The following GAS7 variants were observed in gnomAD, a reference collection of about 807,000 sequenced individuals.
GAS7 encodes the protein growth arrest-specific protein 7.
A neutral mutation model predicts 71.1 loss-of-function variants in GAS7; 28 were observed. That is an observed-to-expected ratio of 0.39 (90% CI 0.29 to 0.54). The LOEUF (loss-of-function observed/expected upper bound fraction) is 0.54. Among genes scored for constraint, GAS7 ranks in the 20% least tolerant of loss-of-function variants. The pLI, the probability that GAS7 is intolerant of heterozygous loss-of-function variation, is 0.62. For missense variants in GAS7, 436 were observed against 627.8 expected (o/e 0.69, Z 3.27); for synonymous variants, 258 against 245.8 (o/e 1.05, Z -0.46).
chr17:9,937,708 C>A (rs575207517), intron 8 of GAS7, among the ~76,000 whole-genome samples: 1 of 152,230 alleles, frequency 6.6e-6, no homozygotes, highest in South Asian at 2.1e-4. Flanking sequence ...GGATTTCAAG[C>A]CACGAAGGCA....
intron 2 of GAS7, among the ~76,000 whole-genome samples, chr17:9,993,204 A>T (rs2070912307): frequency 6.6e-6 from 1 of 151,518 alleles, no homozygotes; most frequent in Non-Finnish European, 1.5e-5. Context: ...TGGTTGAACT[A>T]GTTTACAGTC....
rs1391600537 is a variant in GAS7, at chr17:9,919,971, G to GTGTGTGTA, written c.1139-267_1139-266insTACACACA. 3.6e-5 allele frequency among the ~76,000 whole-genome samples: 2 copies of GTGTGTGTA among 55,264 alleles called. No individual in the cohort carries two copies. The highest frequency in any genetic ancestry group is 7.0e-5 in the Non-Finnish European group (2 of 28,540). The allele number at this position is 55,264 out of a possible 152,430, so 36.3% of individuals were successfully genotyped here. A position where few individuals can be genotyped will look rare whatever the true frequency, so the allele number is the denominator to read the frequency against. ...GATTCAGGATGGTGGTTCTCATTTT[G>GTGTGTGTA]TGTGTGTGTGTGTGTGTGTGTGTGT... On this transcript the variant is annotated intron_variant, in intron 11 of 13. Coordinates refer to ENST00000432992, the MANE Select transcript of GAS7 (RefSeq NM_201433.2). The surrounding 1 kb of genome is among the most constrained non-coding windows in gnomAD (Gnocchi z 5.0).
At chr17:10,109,643 G>C (rs35652044) in intron 1 of GAS7, among the ~76,000 whole-genome samples, 2,866 of 152,318 alleles carry the variant, frequency 0.019, 42 homozygotes, top group South Asian at 0.028. Flanking sequence ...ATCAGGCCAG[G>C]AGCAGTGGCT....
chr17:10,046,847 A>AGGAG lies in GAS7; in HGVS notation c.184-26951_184-26950insCTCC, dbSNP rs1567567289. Among the ~76,000 whole-genome samples, 3 of 137,472 alleles carry AGGAG rather than the reference A, an allele frequency of 2.2e-5. No homozygotes were observed. In the East Asian group the frequency reaches 6.2e-4, roughly 28 times the overall value. The allele number at this position is 137,472 out of a possible 152,430, so 90.2% of individuals were successfully genotyped here. A position where few individuals can be genotyped will look rare whatever the true frequency, so the allele number is the denominator to read the frequency against. ...AAGGAAGGAAGGAAGGAAGGAAGGA[A>AGGAG]AGAAAAGAAAAGAAAAAAGAAAAGA... is the stretch of plus-strand genomic sequence containing the variant. On this transcript the variant is annotated intron_variant, in intron 1 of 13. Transcript: ENST00000432992.
At chr17:9,958,975 C>G in intron 5 of GAS7, 1 of 1,414,784 alleles carries the variant, frequency 7.1e-7, no homozygotes, top group Non-Finnish European at 9.2e-7. Flanking sequence ...CAGCCATCCT[C>G]CTTCCACTTG....
chr17:10,140,785 G>A (rs912691753), intron 1 of GAS7, among the ~76,000 whole-genome samples: 12 of 152,204 alleles, frequency 7.9e-5, no homozygotes, highest in Non-Finnish European at 1.6e-4. Context: ...CTGAAGGCTG[G>A]GGTAGTGGAA....
chr17:9,985,765 C>T (rs2070622183), intron 2 of GAS7, among the ~76,000 whole-genome samples: 1 of 152,190 alleles, frequency 6.6e-6, no homozygotes, highest in Non-Finnish European at 1.5e-5. Context: ...GATCAACGGC[C>T]CACCAATCCC....
intron 2 of GAS7, among the ~76,000 whole-genome samples, chr17:10,005,359 A>C (rs996420991): frequency 1.3e-5 from 2 of 150,808 alleles, no homozygotes; most frequent in African/African-American, 4.9e-5. Flanking sequence ...ATATATATAT[A>C]TCTTCCTGAC....
intron 8 of GAS7, 94 bp from the exon 9 acceptor site, chr17:9,934,338 T>G: frequency 1.2e-6 from 1 of 817,134 alleles, no homozygotes; most frequent in Non-Finnish European, 2.1e-6. Flanking sequence ...GGGAGGTATA[T>G]GACAGCTGAG....
chr17:10,020,935 AAAAC>A (rs1349168194), intron 1 of GAS7, among the ~76,000 whole-genome samples: 3 of 152,188 alleles, frequency 2.0e-5, no homozygotes, highest in South Asian at 2.1e-4. Context: ...CAAAAATATA[AAAAC>A]AAACAAACAA....
intron 2 of GAS7, among the ~76,000 whole-genome samples, chr17:10,008,485 G>A (rs746649386): frequency 4.6e-5 from 7 of 152,118 alleles, no homozygotes; most frequent in Non-Finnish European, 1.0e-4. Flanking sequence ...TACTTGTGTG[G>A]GTCTTCAACT....
intron 1 of GAS7, 165 bp from the exon 2 acceptor site, chr17:10,020,062 G>A: frequency 1.6e-6 from 1 of 635,198 alleles, no homozygotes; most frequent in South Asian, 1.8e-5. Flanking sequence ...GACCTCCGGG[G>A]TTGCGTGAGC....
At chr17:10,006,061 G>A (rs1453481512) in intron 2 of GAS7, among the ~76,000 whole-genome samples, 1 of 152,096 alleles carries the variant, frequency 6.6e-6, no homozygotes, top group Non-Finnish European at 1.5e-5. Flanking sequence ...TGTAATGAAT[G>A]GTAAAGAGAC....
chr17:9,982,836 A>G (rs1231331146), intron 2 of GAS7, among the ~76,000 whole-genome samples: 1 of 145,280 alleles, frequency 6.9e-6, no homozygotes, highest in African/African-American at 2.6e-5. Flanking sequence ...AAAGAAAGAA[A>G]GAAAGAAAGA....
At chr17:10,138,990 C>T (rs1247399227) in intron 1 of GAS7, among the ~76,000 whole-genome samples, 2 of 151,980 alleles carry the variant, frequency 1.3e-5, no homozygotes, top group African/African-American at 4.8e-5. Flanking sequence ...TGATAAAATC[C>T]CACATCTATT....
At chr17:10,043,002 C>A (rs780697926) in intron 1 of GAS7, among the ~76,000 whole-genome samples, 1 of 152,100 alleles carries the variant, frequency 6.6e-6, no homozygotes, top group Admixed American at 6.5e-5. Flanking sequence ...AGGGGTGAGT[C>A]TGGCCCTTGG....
At chr17:9,992,424 G>C (rs1486540377) in intron 2 of GAS7, among the ~76,000 whole-genome samples, 4 of 152,094 alleles carry the variant, frequency 2.6e-5, no homozygotes. Context: ...GGAGAAAGGA[G>C]AAGGCACAAA....
chr17:10,149,967 G>A (rs764419930), intron 1 of GAS7, among the ~76,000 whole-genome samples: 40 of 152,156 alleles, frequency 2.6e-4, no homozygotes, highest in Non-Finnish European at 4.7e-4. Context: ...GGTGAATGGG[G>A]AGTGACAGCT....
At chr17:10,127,569 CAG>C (rs546511367) in intron 1 of GAS7, among the ~76,000 whole-genome samples, 469 of 152,322 alleles carry the variant, frequency 3.1e-3, no homozygotes, top group Non-Finnish European at 5.5e-3. Flanking sequence ...GGGACAGACT[CAG>C]GGCCGCAGGA....
Sources: gnomAD v4.1 joint callset for allele counts (sites outside exome capture counted in the v4.1 genomes callset) on GRCh38, gnomAD v4.1.1 for gene constraint, Gnocchi (gnomAD v3.1) non-coding constraint, MANE v1.5 for transcripts, NCBI Gene and HGNC (gene_info 2026-07-23, HGNC 2026-07-21) for gene names.